Variants in SHTN1 observed in about 807,000 individuals in gnomAD.
The protein encoded by SHTN1 is shootin-1.
In SHTN1, 42 loss-of-function variants were observed where a neutral mutation model predicts 83.1. That is an observed-to-expected ratio of 0.51 (90% CI 0.39 to 0.65). SHTN1 has a LOEUF of 0.65. Ranked by LOEUF, SHTN1 falls within the 30% of genes least tolerant of loss-of-function variation. SHTN1 has a pLI of 0.00. For synonymous variants in SHTN1, 224 were observed against 247.7 expected (o/e 0.90, Z 0.90); for missense variants, 622 against 737.8 (o/e 0.84, Z 1.82).
chr10:116,889,440 G>A (rs1024823560), intron 16 of SHTN1, among the ~76,000 whole-genome samples: 2 of 152,218 alleles, frequency 1.3e-5, no homozygotes, highest in African/African-American at 4.8e-5. Context: ...GGCGCAGTGG[G>A]CATTTTCTGA....
chr10:116,955,312 T>C (rs1849945827), intron 4 of SHTN1, among the ~76,000 whole-genome samples: 1 of 152,166 alleles, frequency 6.6e-6, no homozygotes, highest in Non-Finnish European at 1.5e-5. Flanking sequence ...TTGCTCATAT[T>C]TTCTCTTCCC....
Position 116,881,719 on chromosome 10 carries a change from G to A in SHTN1, c.*4625C>T. 1 of 1,341,878 alleles carries A rather than the reference G, an allele frequency of 7.5e-7. No homozygotes were observed. Among genetic ancestry groups the A allele is most frequent in the East Asian group, 2.9e-5 (1 of 34,400 alleles). The allele number at this position is 1,341,878 out of a possible 1,614,324, so 83.1% of individuals were successfully genotyped here. A position where few individuals can be genotyped will look rare whatever the true frequency, so the allele number is the denominator to read the frequency against. On this transcript the variant is annotated 3_prime_UTR_variant, in exon 17 of 17. Coordinates refer to ENST00000355371, the MANE Select transcript of SHTN1 (RefSeq NM_001127211.3). ...CCACACCATCAGTATTAGTAGACCG[G>A]GAGGTCTGAAGTACGGCGCCGTGTC...
chr10:116,930,686 G>A (rs749153998), intron 9 of SHTN1, among the ~76,000 whole-genome samples: 2 of 152,170 alleles, frequency 1.3e-5, no homozygotes, highest in Admixed American at 6.6e-5. Context: ...GTGCTGCGAT[G>A]AATATGTGTG....
At chr10:117,017,681 A>G (rs1303426062) in intron 2 of SHTN1, among the ~76,000 whole-genome samples, 2 of 152,160 alleles carry the variant, frequency 1.3e-5, no homozygotes. Flanking sequence ...GGGTTGGAGT[A>G]TAACTCCCCT....
At chr10:116,974,185 G>A (rs1394037563) in intron 2 of SHTN1, 1 of 998,828 alleles carries the variant, frequency 1.0e-6, no homozygotes, top group African/African-American at 1.7e-5. Context: ...GGAAACACAT[G>A]TCATCAGAAC....
At chr10:117,004,997 C>T in intron 1 of SHTN1, 25 bp downstream of exon 1, 6 of 1,579,014 alleles carry the variant, frequency 3.8e-6, no homozygotes, top group Non-Finnish European at 5.2e-6. Context: ...CGGCTGCCCA[C>T]ACCTGGCGCC....
chr10:116,998,032 C>T (rs2133531001), intron 1 of SHTN1, among the ~76,000 whole-genome samples: 2 of 152,192 alleles, frequency 1.3e-5, no homozygotes, highest in South Asian at 4.1e-4. Context: ...GCGGAGCTTG[C>T]AGTGAGCAGA....
intron 1 of SHTN1, among the ~76,000 whole-genome samples, chr10:117,051,998 T>TAATATATATATATATATATATATA (rs1852748066): frequency 5.0e-4 from 3 of 5,970 alleles, no homozygotes; most frequent in South Asian, 3.4e-3. Flanking sequence ...AATGACATAA[T>TAATATATATATATATATATATATA]CATATATATA....
At chr10:117,120,612 T>C (rs1030406071) in intron 1 of SHTN1, among the ~76,000 whole-genome samples, 6 of 152,036 alleles carry the variant, frequency 3.9e-5, no homozygotes, top group Non-Finnish European at 7.4e-5. Context: ...CATAAATATA[T>C]ACACCTACTA....
intron 7 of SHTN1, among the ~76,000 whole-genome samples, chr10:116,948,556 C>G (rs1564891848): frequency 6.6e-6 from 1 of 152,114 alleles, no homozygotes; most frequent in Non-Finnish European, 1.5e-5. Flanking sequence ...TTTATGTAGA[C>G]AGCCTAACCT....
At chr10:116,947,536 C>A (rs984114421) in intron 7 of SHTN1, among the ~76,000 whole-genome samples, 48 of 151,928 alleles carry the variant, frequency 3.2e-4, no homozygotes, top group African/African-American at 1.0e-3. Context: ...ATTATAGGTC[C>A]CTGAGAGCTA....
intron 6 of SHTN1, among the ~76,000 whole-genome samples, chr10:116,951,364 A>T (rs895719312): frequency 2.0e-5 from 3 of 152,212 alleles, no homozygotes; most frequent in African/African-American, 7.2e-5. Flanking sequence ...TTGAGGCGGC[A>T]GTGAGCTGTG....
At chr10:117,068,009 C>G (rs557964478) in intron 1 of SHTN1, among the ~76,000 whole-genome samples, 6 of 152,138 alleles carry the variant, frequency 3.9e-5, no homozygotes, top group African/African-American at 1.2e-4. Context: ...TTGAGGCCTC[C>G]AAGTGGAGCT....
intron 3 of SHTN1, among the ~76,000 whole-genome samples, chr10:116,967,877 T>C (rs1464446192): frequency 6.6e-6 from 1 of 152,158 alleles, no homozygotes; most frequent in Non-Finnish European, 1.5e-5. Flanking sequence ...TGGAATACTA[T>C]GGACAACATT....
At chr10:117,058,882 G>A (rs1317157657) in intron 1 of SHTN1, among the ~76,000 whole-genome samples, 1 of 152,162 alleles carries the variant, frequency 6.6e-6, no homozygotes, top group Non-Finnish European at 1.5e-5. Context: ...AGTGAAATAA[G>A]CCAGTCACAA....
intron 1 of SHTN1, among the ~76,000 whole-genome samples, chr10:117,071,597 G>A (rs993626718): frequency 1.3e-5 from 2 of 152,194 alleles, no homozygotes; most frequent in African/African-American, 2.4e-5. Flanking sequence ...AAACTTGTGA[G>A]GTGTTTTAGA....
At chr10:117,053,502 T>C (rs184294361) in intron 1 of SHTN1, among the ~76,000 whole-genome samples, 1 of 152,278 alleles carries the variant, frequency 6.6e-6, no homozygotes, top group Non-Finnish European at 1.5e-5. Context: ...CTTACAAACA[T>C]ATGAAAAGAT....
chr10:116,911,194 T>C (rs556537359), intron 14 of SHTN1, among the ~76,000 whole-genome samples: 1 of 152,272 alleles, frequency 6.6e-6, no homozygotes, highest in Non-Finnish European at 1.5e-5. Context: ...GCTGATTCCA[T>C]TGGCAAAAGC....
At chr10:116,946,138 A>T (rs1433200129) in intron 7 of SHTN1, among the ~76,000 whole-genome samples, 1 of 151,324 alleles carries the variant, frequency 6.6e-6, no homozygotes. Flanking sequence ...GTAAGGTACC[A>T]GCAAGTATAA....
Sources: allele counts gnomAD v4.1 joint callset (sites outside exome capture counted in the v4.1 genomes callset), GRCh38; gene constraint gnomAD v4.1.1; transcripts MANE v1.5; gene names NCBI Gene and HGNC (gene_info 2026-07-23, HGNC 2026-07-21).